Variants in MTAP observed in about 807,000 individuals in gnomAD.
MTAP encodes S-methyl-5'-thioadenosine phosphorylase.
In MTAP, 33 loss-of-function variants were observed where a neutral mutation model predicts 33.6. The ratio of observed to expected loss-of-function variants is 0.98; its 90% CI spans 0.74 to 1.31. The LOEUF is 1.31. MTAP is among the 40% of genes most tolerant of loss of function. MTAP has a pLI of 0.00. For synonymous variants in MTAP, 148 were observed against 125.7 expected (o/e 1.18, Z -1.19); for missense variants, 367 against 360.0 (o/e 1.02, Z -0.16).
rs1363700981 is a variant in MTAP at position 21,854,869 on chromosome 9, C to G, written c.689C>G (p.Ala230Gly). Reference protein sequence around the residue: ...DYDCWKEHEEAVSVDRVLKTL... With the variant: ...DYDCWKEHEEGVSVDRVLKTL... ...GACTGCTGGAAGGAGCACGAGGAAG[C>G]AGTAGGTGGAATTCTTTTCTAAGCA... Residue 230 changes from alanine (A) to glycine (G), a missense_variant and splice_region_variant, in exon 6 of 8, where the codon GCA becomes GGA. Physicochemically the swap from Ala to Gly is moderately conservative, Grantham distance 60. Transcript: ENST00000644715. 2 of 1,613,880 alleles carry G rather than the reference C, an allele frequency of 1.2e-6. No homozygotes were observed. The highest frequency in any genetic ancestry group is 2.2e-5 in the South Asian group (2 of 91,056).
chr9:21,856,551 G>A (rs890562413), intron 6 of MTAP, among the ~76,000 whole-genome samples: 7 of 152,148 alleles, frequency 4.6e-5, no homozygotes, highest in Admixed American at 3.9e-4. Context: ...CCCTGAGAGC[G>A]GTTTGCTTCC....
chr9:21,886,564 C>A (rs1436276468), intron 1 of MTAP, among the ~76,000 whole-genome samples: 1 of 152,078 alleles, frequency 6.6e-6, no homozygotes, highest in Non-Finnish European at 1.5e-5. Context: ...ATGTTATCTT[C>A]CAGAATTTTT....
At chr9:21,897,870 G>A (rs1197332247) in intron 1 of MTAP, among the ~76,000 whole-genome samples, 1 of 151,940 alleles carries the variant, frequency 6.6e-6, no homozygotes, top group African/African-American at 2.4e-5. Context: ...TCACAGAATT[G>A]GAAAAAACTA....
intron 4 of MTAP, among the ~76,000 whole-genome samples, chr9:21,830,339 C>T (rs1318806533): frequency 6.6e-6 from 1 of 152,182 alleles, no homozygotes; most frequent in East Asian, 1.9e-4. Context: ...AGAATCTATA[C>T]CAAGAACTTT....
At chr9:21,807,776 T>G (rs749479470) in intron 1 of MTAP, among the ~76,000 whole-genome samples, 3 of 152,124 alleles carry the variant, frequency 2.0e-5, no homozygotes. Context: ...AAGTTTATTT[T>G]GATTTTTTAT....
chr9:21,837,887 C>T (rs753897605), intron 4 of MTAP, 21 bp from the exon 5 acceptor site: 1 of 1,597,770 alleles, frequency 6.3e-7, no homozygotes, highest in South Asian at 1.1e-5. Context: ...AAACAAAAAC[C>T]TTTTTTGCTT....
At chr9:21,937,852 AAG>A (rs1350929163), downstream of MTAP, among the ~76,000 whole-genome samples, 2 of 152,170 alleles carry the variant, frequency 1.3e-5, no homozygotes, top group Admixed American at 1.3e-4. Context: ...TCCTTATAGA[AAG>A]AGAGGTCAGG....
chr9:21,844,999 C>T (rs1825343298), intron 5 of MTAP, among the ~76,000 whole-genome samples: 1 of 150,928 alleles, frequency 6.6e-6, no homozygotes, highest in African/African-American at 2.5e-5. Context: ...CCACTGCACT[C>T]CAGCCTGGGC....
chr9:21,906,240 T>C (rs1818474733), intron 1 of MTAP, among the ~76,000 whole-genome samples: 1 of 151,906 alleles, frequency 6.6e-6, no homozygotes, highest in South Asian at 2.1e-4. Context: ...CAAATAAGGA[T>C]AAGATGTCAA....
At chr9:21,921,657 T>TA (rs1818789807) in intron 1 of MTAP, among the ~76,000 whole-genome samples, 1 of 152,150 alleles carries the variant, frequency 6.6e-6, no homozygotes. Context: ...AGAGACTCAA[T>TA]AAATCAAAAT....
At chr9:21,821,186 C>T (rs931535511) in intron 4 of MTAP, among the ~76,000 whole-genome samples, 1 of 152,182 alleles carries the variant, frequency 6.6e-6, no homozygotes, top group South Asian at 2.1e-4. Context: ...TGAGAGAGGG[C>T]ATCCCTGTCT....
chr9:21,825,586 C>T (rs1824773519), intron 4 of MTAP, among the ~76,000 whole-genome samples: 1 of 152,290 alleles, frequency 6.6e-6, no homozygotes, highest in South Asian at 2.1e-4. Flanking sequence ...GCCTGTAATC[C>T]TAGCACTTTG....
intron 1 of MTAP, chr9:21,929,542 C>T (rs1006696705): frequency 4.8e-5 from 16 of 336,708 alleles, no homozygotes; most frequent in Non-Finnish European, 9.9e-5. Flanking sequence ...AAAAGCTCAG[C>T]AATTGCTCCA....
chr9:21,925,510 C>T (rs1818854478), intron 1 of MTAP, among the ~76,000 whole-genome samples: 1 of 152,162 alleles, frequency 6.6e-6, no homozygotes, highest in Admixed American at 6.5e-5. Flanking sequence ...TATTGGCTGC[C>T]CTAAAAATCC....
intron 5 of MTAP, among the ~76,000 whole-genome samples, chr9:21,842,708 T>C (rs1825281743): frequency 6.6e-6 from 1 of 152,192 alleles, no homozygotes; most frequent in African/African-American, 2.4e-5. Flanking sequence ...AAACAAATGC[T>C]GAGAGAATTT....
chr9:21,875,763 T>C (rs1237237811), intron 1 of MTAP, among the ~76,000 whole-genome samples: 1 of 152,204 alleles, frequency 6.6e-6, no homozygotes, highest in African/African-American at 2.4e-5. Flanking sequence ...ATGGTACATA[T>C]GTACCACATT....
At chr9:21,858,452 G>A (rs1438550003) in intron 6 of MTAP, among the ~76,000 whole-genome samples, 4 of 152,146 alleles carry the variant, frequency 2.6e-5, no homozygotes, top group Admixed American at 6.5e-5. Context: ...CTTCTGGGGA[G>A]GCCTCAGGAA....
chr9:21,818,929 G>A (rs758100338), intron 4 of MTAP, among the ~76,000 whole-genome samples: 4 of 152,014 alleles, frequency 2.6e-5, no homozygotes, highest in East Asian at 1.9e-4. Flanking sequence ...CCAAACCCCA[G>A]CCCCTGGTAA....
chr9:21,809,134 A>G (rs892583512), intron 1 of MTAP: 2 of 152,220 alleles, frequency 1.3e-5, no homozygotes, highest in African/African-American at 2.4e-5. Flanking sequence ...TTCTATCATT[A>G]TATCACTTTC....
Sources: allele counts gnomAD v4.1 joint callset (sites outside exome capture counted in the v4.1 genomes callset), GRCh38; gene constraint gnomAD v4.1.1; transcripts MANE v1.5; gene names NCBI Gene and HGNC (gene_info 2026-07-23, HGNC 2026-07-21).